CHCT1: variants seen among roughly 807,000 people sequenced by gnomAD.
The protein encoded by CHCT1 is CHD1 helical C-terminal domain containing protein 1.
the CHCT1 span, among the ~76,000 whole-genome samples, chr17:60,425,101 G>A: frequency 6.6e-6 from 1 of 152,042 alleles, no homozygotes; most frequent in African/African-American, 2.4e-5. Flanking sequence ...ACCAATCAAT[G>A]GCCCCAGTTT....
the CHCT1 span, chr17:60,421,319 T>C: frequency 1.0e-6 from 1 of 955,738 alleles, no homozygotes; most frequent in African/African-American, 1.8e-5. Flanking sequence ...GTTAAAAAGT[T>C]TCTGGACTCA....
chr17:60,426,687 C>A, the CHCT1 span: 8 of 1,595,040 alleles, frequency 5.0e-6, no homozygotes, highest in Admixed American at 6.9e-5. Context: ...CTGTGCTCCA[C>A]CTCCCCAGCC....
the CHCT1 span, among the ~76,000 whole-genome samples, chr17:60,423,793 TTG>T: frequency 1.3e-5 from 2 of 152,230 alleles, no homozygotes; most frequent in African/African-American, 4.8e-5. Context: ...TGCCCCACTT[TTG>T]TGGTCAAAGG....
At chr17:60,427,644 C>A in the CHCT1 span, among the ~76,000 whole-genome samples, 2 of 152,084 alleles carry the variant, frequency 1.3e-5, no homozygotes, top group African/African-American at 4.8e-5. Context: ...GAACTCCTGA[C>A]CTCAGGTGAT....
the CHCT1 span, chr17:60,422,616 G>A: frequency 6.4e-7 from 1 of 1,550,830 alleles, no homozygotes; most frequent in African/African-American, 1.4e-5. Flanking sequence ...ATGGGCAAGG[G>A]GGTGAAGGGG....
the CHCT1 span, chr17:60,422,011 A>C: frequency 1.1e-6 from 1 of 939,762 alleles, no homozygotes; most frequent in Non-Finnish European, 1.3e-6. Context: ...CATCCCACCC[A>C]GTACCCAGCA....
At chr17:60,425,818 C>G in the CHCT1 span, 13 of 1,551,572 alleles carry the variant, frequency 8.4e-6, no homozygotes, top group South Asian at 1.3e-4. Context: ...CAAGCTCCAG[C>G]GCCAGCCCTG....
chr17:60,426,699 A>C, the CHCT1 span: 1 of 1,604,772 alleles, frequency 6.2e-7, no homozygotes, highest in Non-Finnish European at 8.5e-7. Flanking sequence ...TCCCCAGCCT[A>C]GGGTCTCCCC....
At chr17:60,426,018 G>C in the CHCT1 span, 1 of 1,259,684 alleles carries the variant, frequency 7.9e-7, no homozygotes. Context: ...CTTTTGGTGA[G>C]AGGTGCACCA....
At chr17:60,426,676 G>T in the CHCT1 span, 2 of 1,582,996 alleles carry the variant, frequency 1.3e-6, no homozygotes, top group Non-Finnish European at 8.6e-7. Flanking sequence ...GGGAGGAAGC[G>T]CTGTGCTCCA....
At chr17:60,431,276 C>G in the CHCT1 span, 1 of 1,589,320 alleles carries the variant, frequency 6.3e-7, no homozygotes, top group Non-Finnish European at 8.6e-7. Context: ...AGAAGACCAA[C>G]TGGGACAAAG....
the CHCT1 span, chr17:60,421,581 G>A: frequency 2.0e-6 from 2 of 985,162 alleles, no homozygotes; most frequent in Non-Finnish European, 2.4e-6. Flanking sequence ...GGTGGCTCGA[G>A]TGAGGAAACT....
chr17:60,431,394 G>T, the CHCT1 span: 1 of 638,182 alleles, frequency 1.6e-6, no homozygotes, highest in South Asian at 2.0e-5. Context: ...AAATGAGGTG[G>T]GAAATAAACA....
the CHCT1 span, chr17:60,431,354 C>A: frequency 1.1e-6 from 1 of 896,606 alleles, no homozygotes; most frequent in Non-Finnish European, 1.7e-6. Context: ...TTGTCCTTAT[C>A]AAAAAGATTC....
At chr17:60,429,140 C>T in the CHCT1 span, among the ~76,000 whole-genome samples, 4 of 152,186 alleles carry the variant, frequency 2.6e-5, no homozygotes, top group Non-Finnish European at 4.4e-5. Context: ...AAGACATGAT[C>T]TCAAAATAAA....
the CHCT1 span, chr17:60,425,859 G>T: frequency 1.3e-6 from 2 of 1,551,648 alleles, 1 homozygote; most frequent in Middle Eastern, 3.3e-4. Context: ...CATGCCAAGG[G>T]CCTGGATCAG....
At chr17:60,422,405 C>T in the CHCT1 span, 1 of 1,432,922 alleles carries the variant, frequency 7.0e-7, no homozygotes, top group African/African-American at 1.4e-5. Context: ...TGCAGCCACC[C>T]CTAAGAATGA....
At chr17:60,421,940 G>C in the CHCT1 span, 3 of 985,242 alleles carry the variant, frequency 3.0e-6, no homozygotes, top group Non-Finnish European at 2.4e-6. Flanking sequence ...GGAAGGCCGC[G>C]GGGAGGGTTA....
the CHCT1 span, chr17:60,425,902 C>T: frequency 6.5e-7 from 1 of 1,533,312 alleles, no homozygotes; most frequent in Non-Finnish European, 8.8e-7. Context: ...AAGAGCCAGC[C>T]TGGAACCCTG....
Sources: allele counts gnomAD v4.1 joint callset (sites outside exome capture counted in the v4.1 genomes callset), GRCh38; gene constraint gnomAD v4.1.1; transcripts MANE v1.5; gene names NCBI Gene and HGNC (gene_info 2026-07-23, HGNC 2026-07-21).